The following DPYSL3 variants were observed in gnomAD, a reference collection of about 807,000 sequenced individuals.
The protein encoded by DPYSL3 is dihydropyrimidinase like 3.
DPYSL3 carries 16 observed loss-of-function variants against 66.1 expected under a neutral mutation model. The observed-to-expected ratio is 0.24, with a 90% CI of 0.16 to 0.37. DPYSL3 has a LOEUF of 0.37. Ranked by LOEUF, DPYSL3 falls within the 10% of genes least tolerant of loss-of-function variation. The pLI is 1.00. For missense variants in DPYSL3, 738 were observed against 916.2 expected, an observed-to-expected ratio of 0.81 and a Z score of 2.51; for synonymous variants, 338 against 345.1, an observed-to-expected ratio of 0.98 and a Z score of 0.23.
intron 1 of DPYSL3, among the ~76,000 whole-genome samples, chr5:147,469,962 C>T (rs1187742116): frequency 6.6e-6 from 1 of 152,224 alleles, no homozygotes; most frequent in African/African-American, 2.4e-5. Flanking sequence ...TGGCAGAAGG[C>T]TCTCAGTTGT....
At chr5:147,402,058 T>A (rs1433056342) in intron 8 of DPYSL3, 2 of 202,138 alleles carry the variant, frequency 9.9e-6, no homozygotes, top group Non-Finnish European at 2.0e-5. Context: ...ATGGGTTCCA[T>A]GTATACCAAG....
intron 1 of DPYSL3, among the ~76,000 whole-genome samples, chr5:147,431,531 A>T (rs1206915702): frequency 1.3e-5 from 2 of 152,104 alleles, no homozygotes; most frequent in African/African-American, 4.8e-5. Flanking sequence ...ATAAATGCTC[A>T]ATATGTGTGA....
Position 147,510,018 on chromosome 5 carries a change from C to G in DPYSL3, c.-160G>C. On this transcript the variant is annotated 5_prime_UTR_variant, in exon 1 of 14. Transcript: ENST00000343218. ...TGCTCCGATTCCTGCTTGTCCCTAG[C>G]GAGCCAGCGAGCCACACAGCCAGCT... The G allele has an allele frequency of 8.3e-7, 1 of 1,202,830 alleles. No homozygotes were observed. The highest frequency in any genetic ancestry group is 1.1e-6 in the Non-Finnish European group (1 of 899,170). 74.5% of individuals were successfully genotyped at this position (1,202,830 alleles called of 1,614,324 possible). A position where few individuals can be genotyped will look rare whatever the true frequency, so the allele number is the denominator to read the frequency against.
intron 1 of DPYSL3, among the ~76,000 whole-genome samples, chr5:147,468,487 C>G (rs1476696806): frequency 6.6e-6 from 1 of 152,140 alleles, no homozygotes; most frequent in African/African-American, 2.4e-5. Context: ...CAAAGTTAAA[C>G]TTCTCTTTAT....
intron 1 of DPYSL3, among the ~76,000 whole-genome samples, chr5:147,481,560 T>C (rs1408262860): frequency 6.6e-6 from 1 of 152,228 alleles, no homozygotes; most frequent in African/African-American, 2.4e-5. Flanking sequence ...AGGCTTGCTG[T>C]GGTTTGAATA....
intron 1 of DPYSL3, among the ~76,000 whole-genome samples, chr5:147,470,716 C>G (rs775923980): frequency 1.3e-5 from 2 of 152,132 alleles, no homozygotes; most frequent in Non-Finnish European, 2.9e-5. Context: ...TTCTCACATC[C>G]TGCTGTTTCC....
chr5:147,502,606 T>C (rs1347089885), intron 1 of DPYSL3, among the ~76,000 whole-genome samples: 1 of 132,812 alleles, frequency 7.5e-6, no homozygotes, highest in Non-Finnish European at 1.5e-5. Context: ...AGACGGAGTC[T>C]CGCTCTGTCG....
At chr5:147,400,309 C>T (rs1207708299) in intron 10 of DPYSL3, among the ~76,000 whole-genome samples, 1 of 152,158 alleles carries the variant, frequency 6.6e-6, no homozygotes, top group Non-Finnish European at 1.5e-5. Context: ...TTGGTCTAGA[C>T]ACAGACTCAT....
At chr5:147,491,425 G>T (rs1281378188) in intron 1 of DPYSL3, among the ~76,000 whole-genome samples, 3 of 152,296 alleles carry the variant, frequency 2.0e-5, no homozygotes, top group East Asian at 3.9e-4. Flanking sequence ...AAAACCGAGT[G>T]TGAAGAGACT....
chr5:147,500,939 C>A (rs1042377335), intron 1 of DPYSL3, among the ~76,000 whole-genome samples: 2 of 152,152 alleles, frequency 1.3e-5, no homozygotes, highest in Non-Finnish European at 2.9e-5. Context: ...GTGCTCTCAC[C>A]ATGCGATCCA....
intron 1 of DPYSL3, among the ~76,000 whole-genome samples, chr5:147,476,848 A>G (rs1206897716): frequency 6.6e-6 from 1 of 152,222 alleles, no homozygotes; most frequent in African/African-American, 2.4e-5. Context: ...AACAATGTTC[A>G]TTGCAAAGAT....
intron 2 of DPYSL3, among the ~76,000 whole-genome samples, chr5:147,420,666 C>T (rs1478371372): frequency 6.6e-6 from 1 of 152,164 alleles, no homozygotes; most frequent in Non-Finnish European, 1.5e-5. Flanking sequence ...TTCTTATGCT[C>T]TGTGAGTTAA....
chr5:147,394,392 A>T (rs906351083), intron 13 of DPYSL3, among the ~76,000 whole-genome samples: 11 of 152,198 alleles, frequency 7.2e-5, no homozygotes, highest in Admixed American at 3.3e-4. Flanking sequence ...AAGAAGAACA[A>T]TGACAAAGAC....
intron 1 of DPYSL3, chr5:147,453,847 GTTTT>G: frequency 2.7e-6 from 2 of 733,782 alleles, no homozygotes; most frequent in Non-Finnish European, 3.6e-6. Flanking sequence ...CCCGGGTTTT[GTTTT>G]TTTTTTTCTT....
chr5:147,480,776 G>A (rs1753227231), intron 1 of DPYSL3, among the ~76,000 whole-genome samples: 1 of 150,468 alleles, frequency 6.6e-6, no homozygotes, highest in Non-Finnish European at 1.5e-5. Context: ...ATGCTGGAGT[G>A]CAATGGCGCG....
intron 1 of DPYSL3, among the ~76,000 whole-genome samples, chr5:147,503,828 G>A (rs923215681): frequency 1.3e-5 from 2 of 152,214 alleles, no homozygotes; most frequent in African/African-American, 4.8e-5. Flanking sequence ...TGCCCAAGTT[G>A]TACAGCAGGT....
chr5:147,413,100 GA>G (rs1196160413), intron 5 of DPYSL3, among the ~76,000 whole-genome samples: 1 of 152,170 alleles, frequency 6.6e-6, no homozygotes, highest in Admixed American at 6.5e-5. Context: ...CTTAACCTGT[GA>G]AGGCAGACAT....
chr5:147,453,124 G>A (rs1007300049), intron 1 of DPYSL3, among the ~76,000 whole-genome samples: 1 of 152,066 alleles, frequency 6.6e-6, no homozygotes, highest in Non-Finnish European at 1.5e-5. Flanking sequence ...GGGCTGCCAA[G>A]TACCCCTGGG....
chr5:147,429,802 T>C (rs1752274274), intron 1 of DPYSL3, among the ~76,000 whole-genome samples: 1 of 152,162 alleles, frequency 6.6e-6, no homozygotes, highest in Non-Finnish European at 1.5e-5. Context: ...CTTCTCTATT[T>C]GATACTGAAT....
Sources: gnomAD v4.1 joint callset for allele counts (sites outside exome capture counted in the v4.1 genomes callset) on GRCh38, gnomAD v4.1.1 for gene constraint, MANE v1.5 for transcripts, NCBI Gene and HGNC (gene_info 2026-07-23, HGNC 2026-07-21) for gene names.